Variants in GPAT4 observed in about 807,000 individuals in gnomAD.
GPAT4 encodes glycerol-3-phosphate acyltransferase 4.
In GPAT4, 17 loss-of-function variants were observed where a neutral mutation model predicts 58.0. The observed-to-expected ratio is 0.29, with a 90% CI of 0.20 to 0.44. GPAT4 has a LOEUF of 0.44. Among genes scored for constraint, GPAT4 ranks in the 20% least tolerant of loss-of-function variants. The pLI is 1.00. For missense variants in GPAT4, 377 were observed against 574.5 expected, an observed-to-expected ratio of 0.66 and a Z score of 3.51; for synonymous variants, 204 against 210.1, an observed-to-expected ratio of 0.97 and a Z score of 0.25.
intron 2 of GPAT4, 37 bp downstream of exon 2, chr8:41,599,341 G>A (rs1803019654): frequency 6.2e-7 from 1 of 1,602,982 alleles, no homozygotes; most frequent in Non-Finnish European, 8.5e-7. Flanking sequence ...CTTCACAGAG[G>A]AGGGTAGAAG....
chr8:41,589,259 T>C (rs1802729643), intron 1 of GPAT4, among the ~76,000 whole-genome samples: 2 of 152,100 alleles, frequency 1.3e-5, no homozygotes, highest in African/African-American at 4.8e-5. Flanking sequence ...AGAATTTGTG[T>C]GAGTGTTGTT....
chr8:41,590,724 T>C (rs186510973), intron 1 of GPAT4, among the ~76,000 whole-genome samples: 1 of 152,314 alleles, frequency 6.6e-6, no homozygotes, highest in African/African-American at 2.4e-5. Context: ...AACTAGGAAC[T>C]AGGGTTCATG....
At chr8:41,583,147 A>G (rs1802566982) in intron 1 of GPAT4, among the ~76,000 whole-genome samples, 1 of 151,854 alleles carries the variant, frequency 6.6e-6, no homozygotes, top group Non-Finnish European at 1.5e-5. Context: ...AATTGCTTGA[A>G]CCTGGAGGCA....
At chr8:41,587,128 TAC>T (rs372771018) in intron 1 of GPAT4, among the ~76,000 whole-genome samples, 6 of 152,354 alleles carry the variant, frequency 3.9e-5, no homozygotes, top group African/African-American at 1.4e-4. Context: ...CTAATGCATT[TAC>T]ACAGAGTGCC....
chr8:41,614,162 A>C (rs1478454022), intron 8 of GPAT4, among the ~76,000 whole-genome samples: 1 of 152,202 alleles, frequency 6.6e-6, no homozygotes, highest in Non-Finnish European at 1.5e-5. Flanking sequence ...CGATGTTCGC[A>C]CAGAATTGAA....
chr8:41,617,937 C>G (rs1803642171), intron 10 of GPAT4, among the ~76,000 whole-genome samples: 1 of 152,226 alleles, frequency 6.6e-6, no homozygotes, highest in African/African-American at 2.4e-5. Context: ...GCTTACCTAC[C>G]CTGCTCACCT....
intron 1 of GPAT4, among the ~76,000 whole-genome samples, chr8:41,588,278 G>T (rs926455645): frequency 6.6e-6 from 1 of 152,166 alleles, no homozygotes; most frequent in Non-Finnish European, 1.5e-5. Flanking sequence ...AGTTGGCACA[G>T]GGCCTCTGTC....
At chr8:41,617,074 C>T (rs555051808) in intron 10 of GPAT4, among the ~76,000 whole-genome samples, 15 of 152,262 alleles carry the variant, frequency 9.9e-5, no homozygotes, top group East Asian at 3.9e-4. Flanking sequence ...TAAAATACAA[C>T]GACATGACCA....
intron 1 of GPAT4, among the ~76,000 whole-genome samples, chr8:41,593,797 A>G (rs963606373): frequency 6.6e-6 from 1 of 152,160 alleles, no homozygotes; most frequent in African/African-American, 2.4e-5. Flanking sequence ...TGGAAGATAA[A>G]CCAAGTATAT....
At chr8:41,587,207 G>A (rs993933691) in intron 1 of GPAT4, among the ~76,000 whole-genome samples, 2 of 152,196 alleles carry the variant, frequency 1.3e-5, no homozygotes, top group African/African-American at 4.8e-5. Flanking sequence ...AGTATGCTCT[G>A]CAGACACTGG....
At chr8:41,611,753 T>C in intron 5 of GPAT4, 150 bp from the exon 6 acceptor site, 1 of 631,560 alleles carries the variant, frequency 1.6e-6, no homozygotes, top group East Asian at 2.8e-5. Flanking sequence ...AACATAAAGG[T>C]GCTCATGCAT....
chr8:41,582,560 A>G (rs1802547409), intron 1 of GPAT4, among the ~76,000 whole-genome samples: 1 of 152,140 alleles, frequency 6.6e-6, no homozygotes. Context: ...TCCCATAGAA[A>G]TATTATATAT....
intron 1 of GPAT4, among the ~76,000 whole-genome samples, chr8:41,578,885 C>T (rs548112645): frequency 7.2e-5 from 11 of 152,286 alleles, no homozygotes; most frequent in African/African-American, 2.6e-4. Context: ...TTTAGCTGTT[C>T]AGAAGTTGCA....
chr8:41,586,276 A>G (rs953858738), intron 1 of GPAT4, among the ~76,000 whole-genome samples: 6 of 152,218 alleles, frequency 3.9e-5, no homozygotes, highest in Admixed American at 2.6e-4. Context: ...CAAAGGTTCC[A>G]TTGTATGGAT....
chr8:41,620,691 G>T (rs942621637), intron 12 of GPAT4, among the ~76,000 whole-genome samples: 2 of 152,156 alleles, frequency 1.3e-5, no homozygotes, highest in Admixed American at 6.5e-5. Flanking sequence ...AAGGGCAAGG[G>T]TAGACCTTTT....
In GPAT4 at chr8:41,621,131, A is replaced by C. The variant is rs1585680279; in HGVS notation, c.*130A>C. The C allele has an allele frequency of 7.5e-7, 1 of 1,336,590 alleles. No homozygotes were observed. Among genetic ancestry groups the C allele is most frequent in the East Asian group, 2.5e-5 (1 of 39,310 alleles). 82.8% of individuals were successfully genotyped at this position (1,336,590 alleles called of 1,614,324 possible). A position where few individuals can be genotyped will look rare whatever the true frequency, so the allele number is the denominator to read the frequency against. On this transcript the variant is annotated 3_prime_UTR_variant, in exon 13 of 13. Coordinates refer to ENST00000396987, the MANE Select transcript of GPAT4 (RefSeq NM_178819.4). ...TCCCCGGGCTGCTCTGGATCCCAGGACTCCGGCTTTCGCCGAGCCGCAGCG... is the reference window on the plus strand; with the variant it reads ...TCCCCGGGCTGCTCTGGATCCCAGGCCTCCGGCTTTCGCCGAGCCGCAGCG...
At chr8:41,596,014 C>T (rs1319519395) in intron 1 of GPAT4, among the ~76,000 whole-genome samples, 2 of 152,144 alleles carry the variant, frequency 1.3e-5, no homozygotes, top group Non-Finnish European at 2.9e-5. Flanking sequence ...TACCTTGTGC[C>T]GTACCTTTGA....
intron 1 of GPAT4, among the ~76,000 whole-genome samples, chr8:41,581,823 CAG>C: frequency 6.7e-6 from 1 of 148,514 alleles, no homozygotes; most frequent in Non-Finnish European, 1.5e-5. Context: ...TTAGTAGAGA[CAG>C]GGTTTCACCG....
intron 10 of GPAT4, 40 bp from the exon 11 acceptor site, chr8:41,618,644 A>G (rs1411690294): frequency 6.2e-7 from 1 of 1,610,964 alleles, no homozygotes; most frequent in Non-Finnish European, 8.5e-7. Context: ...ACGTTGTGAG[A>G]ACTACTCATG....
Sources: allele counts gnomAD v4.1 joint callset (sites outside exome capture counted in the v4.1 genomes callset), GRCh38; gene constraint gnomAD v4.1.1; transcripts MANE v1.5; gene names NCBI Gene and HGNC (gene_info 2026-07-23, HGNC 2026-07-21).